Variants in CYFIP2 observed in about 807,000 individuals in gnomAD.
CYFIP2 encodes cytoplasmic FMR1 interacting protein 2.
In CYFIP2, 29 loss-of-function variants were observed where a neutral mutation model predicts 158.7. The ratio of observed to expected loss-of-function variants is 0.18; its 90% CI spans 0.14 to 0.25. The LOEUF is 0.25. Among genes scored for constraint, CYFIP2 ranks in the 10% least tolerant of loss-of-function variants. CYFIP2 has a pLI of 1.00. For missense variants in CYFIP2, 852 were observed against 1,639.5 expected (o/e 0.52, Z 8.29); for synonymous variants, 585 against 617.6 (o/e 0.95, Z 0.78).
In CYFIP2 at chr5:157,307,692, A is replaced by G. The variant is rs182555061; in HGVS notation, c.796-69A>G. On this transcript the variant is annotated intron_variant, in intron 8 of 30. Transcript: ENST00000620254. ...GTGTGTGTGACACATATACAGACCT[A>G]CCTTTTTGTTTTTAAACTTTTCCAG... 8.3e-5 allele frequency: 69 copies of G among 832,834 alleles called. No individual in the cohort carries two copies. The African/African-American group carries it at 9.2e-4, about 11-fold the overall frequency. 51.6% of individuals were successfully genotyped at this position (832,834 alleles called of 1,614,324 possible).
At chr5:157,336,795 C>A (rs576506702) in intron 21 of CYFIP2, among the ~76,000 whole-genome samples, 8 of 152,298 alleles carry the variant, frequency 5.3e-5, no homozygotes, top group South Asian at 4.1e-4. Flanking sequence ...GCTTTTTAAG[C>A]CTTTTCCATG....
intron 15 of CYFIP2, among the ~76,000 whole-genome samples, chr5:157,321,551 G>A (rs979186745): frequency 2.0e-5 from 3 of 152,188 alleles, no homozygotes; most frequent in African/African-American, 7.2e-5. Flanking sequence ...CCTACTTAAG[G>A]ATAGGTAGTT....
rs1757287718 is a variant in CYFIP2, at chr5:157,285,308, T to C, written c.-23-31T>C. 2.0e-6 allele frequency: 3 copies of C among 1,467,128 alleles called. No homozygotes were observed. In the African/African-American group the frequency reaches 4.2e-5, roughly 21 times the overall value. 90.9% of individuals were successfully genotyped at this position (1,467,128 alleles called of 1,614,324 possible). A position where few individuals can be genotyped will look rare whatever the true frequency, so the allele number is the denominator to read the frequency against. ...GAGGAATTTTAGAGGCCCCTGAAATTCTCCACTGACCTTCTCTTCCTTCCC... is the reference window on the plus strand; with the variant it reads ...GAGGAATTTTAGAGGCCCCTGAAATCCTCCACTGACCTTCTCTTCCTTCCC... On this transcript the variant is annotated intron_variant, in intron 1 of 30. Transcript: ENST00000620254.
chr5:157,358,894 A>G, intron 23 of CYFIP2, 111 bp from the exon 24 acceptor site: 2 of 1,386,538 alleles, frequency 1.4e-6, no homozygotes, highest in South Asian at 2.5e-5. Context: ...TCCAGTGAGC[A>G]CGCTCGTAAC....
intron 16 of CYFIP2, among the ~76,000 whole-genome samples, chr5:157,324,458 C>G (rs989535064): frequency 1.3e-5 from 2 of 152,242 alleles, no homozygotes; most frequent in Non-Finnish European, 2.9e-5. Flanking sequence ...GAGCTGCATC[C>G]CAGTCCTGTG....
chr5:157,271,005 C>T (rs1378372725), intron 1 of CYFIP2, among the ~76,000 whole-genome samples: 1 of 152,146 alleles, frequency 6.6e-6, no homozygotes, highest in Admixed American at 6.5e-5. Flanking sequence ...AGCAGTTTGT[C>T]GTGCAGTTAA....
At chr5:157,310,582 C>T (rs895731590) in intron 10 of CYFIP2, among the ~76,000 whole-genome samples, 4 of 152,238 alleles carry the variant, frequency 2.6e-5, no homozygotes, top group African/African-American at 7.2e-5. Context: ...GCTGCTAGCG[C>T]GTGACGGGGT....
intron 9 of CYFIP2, 107 bp downstream of exon 9, chr5:157,307,972 T>C: frequency 1.5e-6 from 1 of 661,032 alleles, no homozygotes; most frequent in Admixed American, 2.4e-5. Context: ...GTTTTTTTAA[T>C]TGAGCTGTAG....
rs1400952041 is a variant in CYFIP2, at chr5:157,339,241, A to G, written c.2570A>G (p.Asn857Ser). 2 of 1,599,660 alleles carry G rather than the reference A, an allele frequency of 1.3e-6. No homozygotes were observed. Among genetic ancestry groups the G allele is most frequent in the Non-Finnish European group, 8.5e-7 (1 of 1,170,910 alleles). Residue 857 changes from asparagine to serine, a missense_variant, in exon 22 of 31, where the codon AAT becomes AGT. Coordinates refer to ENST00000620254, the MANE Select transcript of CYFIP2 (RefSeq NM_001037333.3). ...GACTTTCTCCCCAACTACTGCTACAATGGGTCCACTAACCGGTAAGGGAGT... is the reference window on the plus strand; with the variant it reads ...GACTTTCTCCCCAACTACTGCTACAGTGGGTCCACTAACCGGTAAGGGAGT... ...NFDFLPNYCY[N>S]GSTNRFVRTA...
intron 28 of CYFIP2, among the ~76,000 whole-genome samples, chr5:157,388,357 T>C (rs1766903853): frequency 6.6e-6 from 1 of 152,192 alleles, no homozygotes; most frequent in Admixed American, 6.5e-5. Flanking sequence ...TAGAGGTCAT[T>C]TGTAACTGTC....
intron 28 of CYFIP2, among the ~76,000 whole-genome samples, chr5:157,386,964 ATT>A (rs1766761048): frequency 2.0e-5 from 3 of 151,424 alleles, no homozygotes; most frequent in Non-Finnish European, 4.4e-5. Context: ...TGTCTTTAGA[ATT>A]GTTCATAATT....
At chr5:157,279,416 T>A (rs956889891) in intron 1 of CYFIP2, among the ~76,000 whole-genome samples, 3 of 152,260 alleles carry the variant, frequency 2.0e-5, no homozygotes, top group African/African-American at 7.2e-5. Context: ...GCAAGTATTT[T>A]GCTTACAGAG....
chr5:157,275,800 A>G (rs1256325670), intron 1 of CYFIP2, among the ~76,000 whole-genome samples: 1 of 152,152 alleles, frequency 6.6e-6, no homozygotes, highest in East Asian at 1.9e-4. Flanking sequence ...ATATCTTTTT[A>G]TTTATTTAGG....
intron 28 of CYFIP2, among the ~76,000 whole-genome samples, chr5:157,388,567 T>C (rs1212896904): frequency 6.6e-6 from 1 of 152,234 alleles, no homozygotes; most frequent in Non-Finnish European, 1.5e-5. Context: ...ACATCACACA[T>C]ACTTTCATCT....
At chr5:157,346,131 T>A (rs1335587737) in intron 23 of CYFIP2, among the ~76,000 whole-genome samples, 3 of 152,174 alleles carry the variant, frequency 2.0e-5, no homozygotes, top group Non-Finnish European at 4.4e-5. Context: ...AAGACCCTTT[T>A]ATTTTTATTG....
chr5:157,283,928 A>T (rs1757180130), intron 1 of CYFIP2, among the ~76,000 whole-genome samples: 2 of 152,148 alleles, frequency 1.3e-5, no homozygotes, highest in African/African-American at 4.8e-5. Context: ...CACAGCAGAA[A>T]TCCCAGCCCC....
chr5:157,300,797 A>C lies in CYFIP2; in HGVS notation c.470A>C (p.Tyr157Ser). The change falls in exon 6 of 31, where the codon TAC becomes TCC. Residue 157 changes from tyrosine to serine, a missense_variant. Around this residue, in one of 8 missense-constraint regions of CYFIP2, gnomAD observed 123 missense variants for 316.7 expected, o/e 0.39. Transcript: ENST00000620254. The part of the protein sequence containing the change: ...ERRKDFVSEA[Y>S]LLTLGKFINM... Reference sequence around the variant, plus strand: ...AGGAAGGACTTTGTCTCTGAGGCCTACCTCCTGACCCTTGGCAAGTTCATC... The same window carrying C: ...AGGAAGGACTTTGTCTCTGAGGCCTCCCTCCTGACCCTTGGCAAGTTCATC... 1 of 1,613,612 alleles carries C rather than the reference A, an allele frequency of 6.2e-7. No individual in the cohort carries two copies. The highest frequency in any genetic ancestry group is 8.5e-7 in the Non-Finnish European group (1 of 1,179,628).
At chr5:157,373,386 G>A (rs1765170381) in intron 26 of CYFIP2, among the ~76,000 whole-genome samples, 1 of 152,080 alleles carries the variant, frequency 6.6e-6, no homozygotes, top group Non-Finnish European at 1.5e-5. Context: ...CACCCCTTCA[G>A]CCCCCCAGAA....
At chr5:157,360,575 G>A (rs982243345) in intron 25 of CYFIP2, among the ~76,000 whole-genome samples, 2 of 152,106 alleles carry the variant, frequency 1.3e-5, no homozygotes, top group Admixed American at 6.5e-5. Context: ...TGATGCTTGC[G>A]GGACCTGCCT....
Sources: gnomAD v4.1 joint callset for allele counts (sites outside exome capture counted in the v4.1 genomes callset) on GRCh38, gnomAD v4.1.1 for gene constraint, gnomAD v4.1.1 regional missense constraint, MANE v1.5 for transcripts, NCBI Gene and HGNC (gene_info 2026-07-23, HGNC 2026-07-21) for gene names.